Variants in DPYSL2 observed in about 807,000 individuals in gnomAD.
The protein encoded by DPYSL2 is dihydropyrimidinase like 2, also known as dihydropyrimidinase-related protein 2.
In DPYSL2, 13 loss-of-function variants were observed where a neutral mutation model predicts 69.9. The observed-to-expected ratio is 0.19, with a 90% CI of 0.12 to 0.30. DPYSL2 has a LOEUF of 0.30. DPYSL2 is among the 10% of genes least tolerant of loss of function. DPYSL2 has a pLI of 1.00. For synonymous variants in DPYSL2, 326 were observed against 359.1 expected (o/e 0.91, Z 1.04); for missense variants, 587 against 918.9 (o/e 0.64, Z 4.67).
chr8:26,631,981 G>T (rs1361255362), intron 7 of DPYSL2, among the ~76,000 whole-genome samples: 1 of 152,238 alleles, frequency 6.6e-6, no homozygotes, highest in Non-Finnish European at 1.5e-5. Flanking sequence ...AGGTGCTGCT[G>T]ATGGAATGAA....
intron 1 of DPYSL2, among the ~76,000 whole-genome samples, chr8:26,573,705 T>TG (rs1201269849): frequency 7.0e-6 from 1 of 142,714 alleles, no homozygotes; most frequent in African/African-American, 2.6e-5. Flanking sequence ...GGCGTGGTGG[T>TG]GGGCACCTGT....
chr8:26,639,033 C>A (rs773537420), intron 8 of DPYSL2, among the ~76,000 whole-genome samples: 5 of 152,192 alleles, frequency 3.3e-5, no homozygotes, highest in Non-Finnish European at 5.9e-5. Context: ...TCCCATAACC[C>A]GGGTGCAGAA....
rs892682827 is a variant in DPYSL2, at chr8:26,610,782, G to C, written c.629-13361G>C. 6.6e-6 allele frequency among the ~76,000 whole-genome samples: 1 copy of C among 152,148 alleles called. No individual in the cohort carries two copies. Among genetic ancestry groups the C allele is most frequent in the African/African-American group, 2.4e-5 (1 of 41,412 alleles). On this transcript the variant is annotated intron_variant, in intron 3 of 13. Coordinates refer to ENST00000521913, the MANE Select transcript of DPYSL2 (RefSeq NM_001197293.3). This position sits in a 1 kb window ranked among gnomAD's most constrained non-coding sequence, Gnocchi z 4.5. The stretch of plus-strand genomic sequence containing the variant: ...ATGTTCAGCAGGTTTATCTCCTCAA[G>C]GCACCCCTAAAGTATGTTTTTACTA...
intron 1 of DPYSL2, among the ~76,000 whole-genome samples, chr8:26,518,241 C>T (rs187731934): frequency 1.3e-5 from 2 of 152,008 alleles, no homozygotes; most frequent in African/African-American, 4.8e-5. Flanking sequence ...TACCTTGATA[C>T]TTTACAGGTC....
Position 26,516,809 on chromosome 8 carries a change from C to T in DPYSL2, c.354+2130C>T, listed in dbSNP as rs1808297753. 6.6e-6 allele frequency among the ~76,000 whole-genome samples: 1 copy of T among 152,176 alleles called. No individual in the cohort carries two copies. The highest frequency in any genetic ancestry group is 2.4e-5 in the African/African-American group (1 of 41,442). ...CTTGCCTTATCATATAAGGCCTACTCAATGAGATTTTGTCATTCACGACTA... is the reference window on the plus strand; with the variant it reads ...CTTGCCTTATCATATAAGGCCTACTTAATGAGATTTTGTCATTCACGACTA... On this transcript the variant is annotated intron_variant, in intron 1 of 13. Transcript: ENST00000521913. This position sits in a 1 kb window ranked among gnomAD's most constrained non-coding sequence, Gnocchi z 4.8.
chr8:26,635,122 C>T (rs1297518105), intron 8 of DPYSL2, among the ~76,000 whole-genome samples: 3 of 152,356 alleles, frequency 2.0e-5, no homozygotes, highest in South Asian at 2.1e-4. Context: ...GCCATGTGCA[C>T]GCCAAGGCGG....
chr8:26,635,568 C>T (rs1802894271), intron 8 of DPYSL2, among the ~76,000 whole-genome samples: 1 of 152,210 alleles, frequency 6.6e-6, no homozygotes, highest in African/African-American at 2.4e-5. Flanking sequence ...GATAATCACA[C>T]TGCATCTTTT....
chr8:26,618,595 A>G (rs1802412558), intron 3 of DPYSL2, among the ~76,000 whole-genome samples: 1 of 148,036 alleles, frequency 6.8e-6, no homozygotes, highest in Non-Finnish European at 1.5e-5. Context: ...CTGAGATTAC[A>G]GGTGTGAGTC....
intron 7 of DPYSL2, among the ~76,000 whole-genome samples, chr8:26,628,431 G>A (rs539698719): frequency 2.2e-4 from 33 of 152,300 alleles, no homozygotes; most frequent in African/African-American, 7.2e-4. Context: ...AATTATGGAG[G>A]GAAGATTCAG....
Position 26,591,880 on chromosome 8 carries a change from A to G in DPYSL2, c.628+7897A>G, listed in dbSNP as rs556797716. ...GCCCACCTCCCCTGCAAAGCTTGCA[A>G]TGCGATTGGTCCTGGTGTAGCCTCC... On this transcript the variant is annotated intron_variant, in intron 3 of 13. Coordinates refer to ENST00000521913, the MANE Select transcript of DPYSL2 (RefSeq NM_001197293.3). The surrounding 1 kb of genome is among the most constrained non-coding windows in gnomAD (Gnocchi z 5.8). Among the ~76,000 whole-genome samples, 3 of 152,292 alleles carry G rather than the reference A, an allele frequency of 2.0e-5. No homozygotes were observed. The highest frequency in any genetic ancestry group is 4.4e-5 in the Non-Finnish European group (3 of 68,016).
intron 1 of DPYSL2, among the ~76,000 whole-genome samples, chr8:26,521,590 C>A (rs1029810570): frequency 6.6e-6 from 1 of 152,044 alleles, no homozygotes; most frequent in African/African-American, 2.4e-5. Context: ...GTTGTGTAAC[C>A]ATTGCCACTG....
At position 26,622,452 on chromosome 8, in the gene DPYSL2, G is replaced by A. The variant is rs1268853381; in HGVS notation, c.629-1691G>A. On this transcript the variant is annotated intron_variant, in intron 3 of 13. Coordinates refer to ENST00000521913, the MANE Select transcript of DPYSL2 (RefSeq NM_001197293.3). ...CAGCTTAGATGGCCATATTGTATGT[G>A]TGTGTGTGTGTGTGTGTGTGTATAT... 5.9e-5 allele frequency among the ~76,000 whole-genome samples: 6 copies of A among 101,866 alleles called. 1 individual carries two copies. In the South Asian group the frequency reaches 1.6e-3, roughly 28 times the overall value. 66.8% of individuals were successfully genotyped at this position (101,866 alleles called of 152,430 possible).
intron 1 of DPYSL2, among the ~76,000 whole-genome samples, chr8:26,574,339 G>C (rs1801290303): frequency 6.6e-6 from 1 of 152,180 alleles, no homozygotes; most frequent in African/African-American, 2.4e-5. Flanking sequence ...TGTCCAGGGA[G>C]GGGAGTTGAA....
chr8:26,555,150 A>G (rs142052706), intron 1 of DPYSL2, among the ~76,000 whole-genome samples: 3 of 152,208 alleles, frequency 2.0e-5, no homozygotes, highest in Non-Finnish European at 4.4e-5. Flanking sequence ...GGCTAACATC[A>G]TATTTATGGT....
At chr8:26,526,040 C>T (rs564476450) in intron 1 of DPYSL2, among the ~76,000 whole-genome samples, 219 of 152,128 alleles carry the variant, frequency 1.4e-3, no homozygotes, top group African/African-American at 4.0e-3. Context: ...CTATAGTGAA[C>T]GGGAAATTTC....
intron 1 of DPYSL2, among the ~76,000 whole-genome samples, chr8:26,528,845 G>T (rs938722136): frequency 1.7e-4 from 26 of 152,138 alleles, no homozygotes; most frequent in Non-Finnish European, 3.1e-4. Flanking sequence ...GAGAGGAAGG[G>T]TAAACAGGTT....
chr8:26,648,310 G>C lies in DPYSL2; in HGVS notation c.1596+510G>C, dbSNP rs1222355394. 6.6e-6 allele frequency among the ~76,000 whole-genome samples: 1 copy of C among 152,170 alleles called. No homozygotes were observed. The highest frequency in any genetic ancestry group is 1.5e-5 in the Non-Finnish European group (1 of 68,028). ...TTGATTGACTGACTTCTCCCTAACA[G>C]AAGTACCCCCCAGCCATTTGATTGT... On this transcript the variant is annotated intron_variant, in intron 11 of 13. Coordinates refer to ENST00000521913, the MANE Select transcript of DPYSL2 (RefSeq NM_001197293.3). This position sits in a 1 kb window ranked among gnomAD's most constrained non-coding sequence, Gnocchi z 4.3.
intron 1 of DPYSL2, among the ~76,000 whole-genome samples, chr8:26,553,500 T>C (rs1293676270): frequency 6.6e-6 from 1 of 152,212 alleles, no homozygotes; most frequent in Non-Finnish European, 1.5e-5. Flanking sequence ...GTTCCTCTGT[T>C]AGTTTGCTGA....
At chr8:26,530,661 G>A (rs953707588) in intron 1 of DPYSL2, among the ~76,000 whole-genome samples, 30 of 152,296 alleles carry the variant, frequency 2.0e-4, no homozygotes, top group Non-Finnish European at 1.6e-4. Context: ...ACTTCTGTGA[G>A]GAAACCGTTC....
Sources: allele counts gnomAD v4.1 joint callset (sites outside exome capture counted in the v4.1 genomes callset), GRCh38; gene constraint gnomAD v4.1.1; non-coding constraint Gnocchi (gnomAD v3.1); transcripts MANE v1.5; gene names NCBI Gene and HGNC (gene_info 2026-07-23, HGNC 2026-07-21).